The following DOCK1 variants were observed in gnomAD, a reference collection of about 807,000 sequenced individuals.
DOCK1 encodes the protein dedicator of cytokinesis protein 1.
A neutral mutation model predicts 262.7 loss-of-function variants in DOCK1; 138 were observed. The ratio of observed to expected loss-of-function variants is 0.53; its 90% CI spans 0.46 to 0.61. The LOEUF (loss-of-function observed/expected upper bound fraction) is 0.61, where lower values mean the gene tolerates loss of function less well. DOCK1 is among the 20% of genes least tolerant of loss of function. The pLI, the probability that DOCK1 is intolerant of heterozygous loss-of-function variation, is 0.00. For synonymous variants in DOCK1, 866 were observed against 867.4 expected, an observed-to-expected ratio of 1.00 and a Z score of 0.03; for missense variants, 1,908 against 2,370.7, an observed-to-expected ratio of 0.80 and a Z score of 4.05.
At chr10:126,933,899 C>G (rs1380597464) in intron 1 of DOCK1, among the ~76,000 whole-genome samples, 3 of 152,084 alleles carry the variant, frequency 2.0e-5, no homozygotes, top group African/African-American at 7.2e-5. Context: ...ACTGCAACCT[C>G]CGCCTCCCAC....
chr10:127,444,308 C>T (rs768841280), intron 50 of DOCK1, 29 bp downstream of exon 50: 10 of 1,560,928 alleles, frequency 6.4e-6, no homozygotes, highest in African/African-American at 2.7e-5. Flanking sequence ...ACATACGAAT[C>T]GTGCTATAGC....
At chr10:126,941,838 C>T (rs1307790630) in intron 1 of DOCK1, among the ~76,000 whole-genome samples, 1 of 152,160 alleles carries the variant, frequency 6.6e-6, no homozygotes, top group African/African-American at 2.4e-5. Flanking sequence ...AATCACCTTT[C>T]CTAGACAACT....
chr10:127,370,840 A>G (rs1001189626), intron 33 of DOCK1, among the ~76,000 whole-genome samples: 4 of 152,222 alleles, frequency 2.6e-5, no homozygotes, highest in Non-Finnish European at 4.4e-5. Flanking sequence ...GGTATCAGAC[A>G]CTGAGAGACT....
At chr10:127,113,742 TGG>T (rs1280396112) in intron 25 of DOCK1, among the ~76,000 whole-genome samples, 1 of 152,162 alleles carries the variant, frequency 6.6e-6, no homozygotes, top group Non-Finnish European at 1.5e-5. Context: ...CCAGTCCATG[TGG>T]GACTGGCCTG....
rs1194806713 is a variant in DOCK1 at position 127,257,276 on chromosome 10, G to A, written c.2950-59G>A. 2.3e-6 allele frequency: 3 copies of A among 1,308,838 alleles called. No individual in the cohort carries two copies. The African/African-American group carries it at 4.4e-5, about 19-fold the overall frequency. 81.1% of individuals were successfully genotyped at this position (1,308,838 alleles called of 1,614,324 possible). A position where few individuals can be genotyped will look rare whatever the true frequency, so the allele number is the denominator to read the frequency against. On this transcript the variant is annotated intron_variant, in intron 28 of 51. Transcript: ENST00000623213. ...TATTTTATAATCTAATTGACAGGAGGGTATCATGTTTACCTTTTTCTTTGT... is the reference window on the plus strand; with the variant it reads ...TATTTTATAATCTAATTGACAGGAGAGTATCATGTTTACCTTTTTCTTTGT...
intron 27 of DOCK1, among the ~76,000 whole-genome samples, chr10:127,238,318 TA>T (rs2059144686): frequency 6.6e-6 from 1 of 152,172 alleles, no homozygotes; most frequent in African/African-American, 2.4e-5. Flanking sequence ...GCATTCTACC[TA>T]AAGGCCCATA....
In DOCK1 at chr10:126,999,432, T is replaced by G; in HGVS notation, c.846T>G (p.Phe282Leu). 1 of 1,612,846 alleles carries G rather than the reference T, an allele frequency of 6.2e-7. No individual in the cohort carries two copies. The highest frequency in any genetic ancestry group is 8.5e-7 in the Non-Finnish European group (1 of 1,179,346). The change falls in exon 9 of 52, where the codon TTT becomes TTG. Residue 282 changes from phenylalanine (F) to leucine (L), a missense_variant. Transcript: ENST00000623213. The part of the protein sequence containing the change: ...IDRLHNLRAV[F>L]TDLGSKDLKR... ...GATTACATAATTTGCGAGCCGTGTT[T>G]ACTGTAAGTGCACCCAAAGATGCTT...
At chr10:127,190,666 C>T (rs1341535538) in intron 27 of DOCK1, among the ~76,000 whole-genome samples, 17 of 13,198 alleles carry the variant, frequency 1.3e-3, no homozygotes, top group African/African-American at 6.6e-3. Flanking sequence ...ATCCTATCTT[C>T]CCCCCCCCCC....
chr10:126,993,992 C>G (rs1037063312), intron 6 of DOCK1, among the ~76,000 whole-genome samples: 1 of 152,190 alleles, frequency 6.6e-6, no homozygotes, highest in Non-Finnish European at 1.5e-5. Flanking sequence ...AAGATGTTCT[C>G]TAATTGAAAT....
Position 127,433,270 on chromosome 10 carries a change from T to G in DOCK1, c.4915-13T>G. The G allele has an allele frequency of 6.2e-7, 1 of 1,613,406 alleles. No individual in the cohort carries two copies. The highest frequency in any genetic ancestry group is 8.5e-7 in the Non-Finnish European group (1 of 1,179,416). ...ATCAAACAAGTCTCCTTCTCTCTCTTTCTCGCTCTCAGCCCTCAAGTCTGG... is the reference window on the plus strand; with the variant it reads ...ATCAAACAAGTCTCCTTCTCTCTCTGTCTCGCTCTCAGCCCTCAAGTCTGG... On this transcript the variant is annotated splice_polypyrimidine_tract_variant and intron_variant, in intron 47 of 51. Coordinates refer to ENST00000623213, the MANE Select transcript of DOCK1 (RefSeq NM_001290223.2).
chr10:127,171,161 C>G (rs1408742465), intron 27 of DOCK1, among the ~76,000 whole-genome samples: 1 of 152,156 alleles, frequency 6.6e-6, no homozygotes, highest in Non-Finnish European at 1.5e-5. Context: ...CATAAACATT[C>G]TCTGCCGAAG....
chr10:127,028,623 G>C (rs567546227), intron 16 of DOCK1, among the ~76,000 whole-genome samples: 7 of 152,264 alleles, frequency 4.6e-5, no homozygotes, highest in Admixed American at 4.6e-4. Context: ...TCTTTCCTTT[G>C]GCTTTTATTG....
chr10:127,265,728 CA>C (rs1335893624), intron 29 of DOCK1, among the ~76,000 whole-genome samples: 1 of 152,178 alleles, frequency 6.6e-6, no homozygotes, highest in Non-Finnish European at 1.5e-5. Flanking sequence ...TGCATTTCCT[CA>C]CTTATAAGTA....
At chr10:127,429,003 A>ATTGGGGTGCCGTGTGGATTGGGG (rs1565085496) in intron 47 of DOCK1, among the ~76,000 whole-genome samples, 985 of 35,886 alleles carry the variant, frequency 0.027, 58 homozygotes, top group South Asian at 0.07. Context: ...GTGGATTGGG[A>ATTGGGGTGCCGTGTGGATTGGGG]TGCCGTGTGG....
At chr10:127,385,044 G>T (rs2066030789) in intron 38 of DOCK1, 135 bp downstream of exon 38, 1 of 1,148,780 alleles carries the variant, frequency 8.7e-7, no homozygotes, top group Non-Finnish European at 1.1e-6. Flanking sequence ...AATGTTTTAT[G>T]CATGTTCCTT....
At chr10:127,102,884 T>G (rs1428819294) in intron 23 of DOCK1, among the ~76,000 whole-genome samples, 1 of 152,218 alleles carries the variant, frequency 6.6e-6, no homozygotes, top group East Asian at 1.9e-4. Context: ...TATTCTTTTT[T>G]AATGTACAGC....
chr10:127,306,204 G>A (rs1009155812), intron 29 of DOCK1, among the ~76,000 whole-genome samples: 1 of 151,968 alleles, frequency 6.6e-6, no homozygotes, highest in Non-Finnish European at 1.5e-5. Flanking sequence ...TAGTAGAGAT[G>A]GGGTTTCACC....
At chr10:127,163,448 G>A (rs774069725) in intron 27 of DOCK1, among the ~76,000 whole-genome samples, 2 of 152,082 alleles carry the variant, frequency 1.3e-5, no homozygotes, top group African/African-American at 4.8e-5. Context: ...GTTCCCGGGC[G>A]GGCAAACTTT....
At chr10:127,346,635 G>A (rs1404545679) in intron 31 of DOCK1, among the ~76,000 whole-genome samples, 1 of 152,100 alleles carries the variant, frequency 6.6e-6, no homozygotes. Context: ...CATTAACCTC[G>A]AAGGGCCTTG....
Sources: allele counts gnomAD v4.1 joint callset (sites outside exome capture counted in the v4.1 genomes callset), GRCh38; gene constraint gnomAD v4.1.1; transcripts MANE v1.5; gene names NCBI Gene and HGNC (gene_info 2026-07-23, HGNC 2026-07-21).